The following AHI1 variants were observed in gnomAD, a reference collection of about 807,000 sequenced individuals.
AHI1 encodes the protein Abelson helper integration site 1, also known as jouberin.
In AHI1, 123 loss-of-function variants were observed where a neutral mutation model predicts 149.3. The ratio of observed to expected loss-of-function variants is 0.82; its 90% CI spans 0.71 to 0.96. AHI1 has a LOEUF of 0.96. AHI1 is among the 40% of genes least tolerant of loss of function. The pLI, the probability that AHI1 is intolerant of heterozygous loss-of-function variation, is 0.00. For missense variants in AHI1, 1,439 were observed against 1,422.7 expected, an observed-to-expected ratio of 1.01 and a Z score of -0.18; for synonymous variants, 475 against 459.8, an observed-to-expected ratio of 1.03 and a Z score of -0.42.
intron 6 of AHI1, 148 bp from the exon 7 acceptor site, chr6:135,466,521 A>G (rs1790797868): frequency 5.8e-6 from 4 of 685,752 alleles, no homozygotes; most frequent in South Asian, 4.3e-5. Context: ...ATTTTAGAGC[A>G]TATGAGTACT....
chr6:135,293,653 T>A (rs1782690658), intron 27 of AHI1, among the ~76,000 whole-genome samples: 1 of 120,326 alleles, frequency 8.3e-6, no homozygotes, highest in African/African-American at 5.5e-5. Context: ...TAGGAATAAA[T>A]CAACCAAAGA....
At position 135,436,801 on chromosome 6, in the gene AHI1, C is replaced by T. The variant is rs528134527; in HGVS notation, c.2036+1574G>A. Among the ~76,000 whole-genome samples, 11 of 152,262 alleles carry T rather than the reference C, an allele frequency of 7.2e-5. No individual in the cohort carries two copies. In the East Asian group the frequency reaches 2.1e-3, roughly 29 times the overall value. On this transcript the variant is annotated intron_variant, in intron 15 of 28. Coordinates refer to ENST00000265602, the MANE Select transcript of AHI1 (RefSeq NM_001134831.2). Reference sequence around the variant, plus strand: ...ATTTTTAATAGAGACAGGGTTTCGCCATGTTGGCCAGGCTGATCTCGAACT... The same window carrying T: ...ATTTTTAATAGAGACAGGGTTTCGCTATGTTGGCCAGGCTGATCTCGAACT...
chr6:135,357,151 A>C (rs9494223), intron 24 of AHI1, among the ~76,000 whole-genome samples: 10,677 of 152,136 alleles, frequency 0.07, 1,186 homozygotes, highest in African/African-American at 0.23. Flanking sequence ...GTTGGCCAGG[A>C]TGGTCTCAAT....
chr6:135,358,015 G>C, intron 24 of AHI1, 117 bp downstream of exon 24: 1 of 776,966 alleles, frequency 1.3e-6, no homozygotes, highest in South Asian at 1.7e-5. Flanking sequence ...AATCTTGCAG[G>C]GATATAACTT....
intron 24 of AHI1, among the ~76,000 whole-genome samples, chr6:135,328,072 G>A (rs1224212735): frequency 6.6e-6 from 1 of 152,176 alleles, no homozygotes; most frequent in East Asian, 1.9e-4. Context: ...CTGGAAGCCT[G>A]TACTTGTGAA....
chr6:135,489,101 A>G (rs1221800275), intron 5 of AHI1, among the ~76,000 whole-genome samples: 1 of 152,206 alleles, frequency 6.6e-6, no homozygotes, highest in East Asian at 1.9e-4. Flanking sequence ...TCCTCAAGTT[A>G]ATCATGTCAA....
At chr6:135,429,755 G>T in intron 18 of AHI1, 127 bp downstream of exon 18, 4 of 514,752 alleles carry the variant, frequency 7.8e-6, no homozygotes, top group East Asian at 3.3e-5. Flanking sequence ...TCCAGATACT[G>T]CCAGATGTTC....
intron 27 of AHI1, among the ~76,000 whole-genome samples, chr6:135,292,969 T>C (rs927004688): frequency 6.6e-6 from 1 of 152,154 alleles, no homozygotes; most frequent in African/African-American, 2.4e-5. Context: ...ATATTTCTCA[T>C]GAACAAAATG....
intron 3 of AHI1, among the ~76,000 whole-genome samples, chr6:135,494,929 G>C (rs1233534925): frequency 6.6e-6 from 1 of 152,146 alleles, no homozygotes; most frequent in Non-Finnish European, 1.5e-5. Context: ...CACTGAATCT[G>C]CAAGTAGGAA....
chr6:135,378,208 G>A (rs1237693438), intron 23 of AHI1, among the ~76,000 whole-genome samples: 1 of 152,022 alleles, frequency 6.6e-6, no homozygotes, highest in African/African-American at 2.4e-5. Context: ...CACATCTCTG[G>A]GAAGACCTTC....
At chr6:135,335,085 G>A (rs776517268) in intron 24 of AHI1, among the ~76,000 whole-genome samples, 1 of 152,166 alleles carries the variant, frequency 6.6e-6, no homozygotes, top group African/African-American at 2.4e-5. Flanking sequence ...ATATAAAGTC[G>A]AATCTTAGAA....
intron 5 of AHI1, among the ~76,000 whole-genome samples, chr6:135,473,871 A>G (rs1176742597): frequency 6.6e-6 from 1 of 152,188 alleles, no homozygotes; most frequent in Non-Finnish European, 1.5e-5. Context: ...CCTGAATCAC[A>G]ATGGTTCTAT....
chr6:135,472,317 T>G (rs943104869), intron 5 of AHI1, among the ~76,000 whole-genome samples: 2 of 152,204 alleles, frequency 1.3e-5, no homozygotes, highest in Admixed American at 6.5e-5. Flanking sequence ...GTTTCCTTCA[T>G]TCAGCACAAA....
intron 23 of AHI1, among the ~76,000 whole-genome samples, chr6:135,382,916 AAAAAAAAAAAATATAT>A (rs1330346682): frequency 9.5e-6 from 1 of 105,728 alleles, no homozygotes; most frequent in African/African-American, 3.6e-5. Context: ...AAAAAAAAAA[AAAAAAAAAAAATATAT>A]ATATATATAT....
At chr6:135,347,520 G>GA (rs931457437) in intron 24 of AHI1, among the ~76,000 whole-genome samples, 89 of 152,280 alleles carry the variant, frequency 5.8e-4, no homozygotes, top group African/African-American at 2.0e-3. Flanking sequence ...GAAGACGCTT[G>GA]AAGACCTTTT....
At chr6:135,426,506 CAA>C (rs1179536033) in intron 20 of AHI1, among the ~76,000 whole-genome samples, 1 of 151,494 alleles carries the variant, frequency 6.6e-6, no homozygotes, top group Non-Finnish European at 1.5e-5. Flanking sequence ...AAGAAACTAA[CAA>C]AGACTTTTCA....
chr6:135,472,223 C>T (rs929399554), intron 5 of AHI1, among the ~76,000 whole-genome samples: 1 of 152,088 alleles, frequency 6.6e-6, no homozygotes, highest in African/African-American at 2.4e-5. Flanking sequence ...CCCTACTCAA[C>T]CACTGATCTG....
At chr6:135,395,649 C>T (rs982159713) in intron 22 of AHI1, among the ~76,000 whole-genome samples, 5 of 151,230 alleles carry the variant, frequency 3.3e-5, no homozygotes, top group Middle Eastern at 3.2e-3. Context: ...AATCAGAATT[C>T]GTTTCAGAAA....
chr6:135,401,703 G>C (rs1216149083), intron 22 of AHI1, among the ~76,000 whole-genome samples: 1 of 152,094 alleles, frequency 6.6e-6, no homozygotes, highest in Non-Finnish European at 1.5e-5. Flanking sequence ...AATAATCACA[G>C]ACCTGAATGT....
Sources: allele counts gnomAD v4.1 joint callset (sites outside exome capture counted in the v4.1 genomes callset), GRCh38; gene constraint gnomAD v4.1.1; transcripts MANE v1.5; gene names NCBI Gene and HGNC (gene_info 2026-07-23, HGNC 2026-07-21).